Variants in DNAH5 observed in about 807,000 individuals in gnomAD.
DNAH5 encodes the protein axonemal beta dynein heavy chain 5.
Under a neutral mutation model 518.2 loss-of-function variants are expected in DNAH5, and 372 were observed. The observed-to-expected ratio is 0.72, with a 90% confidence interval of 0.66 to 0.78. The LOEUF is 0.78. Ranked by LOEUF, DNAH5 falls within the 30% of genes least tolerant of loss-of-function variation. The pLI is 0.00. For missense variants in DNAH5, 5,523 were observed against 5,687.0 expected (o/e 0.97, Z 0.93); for synonymous variants, 2,039 against 2,025.9 (o/e 1.01, Z -0.17).
intron 12 of DNAH5, among the ~76,000 whole-genome samples, chr5:13,902,823 CT>C (rs1774823055): frequency 6.6e-6 from 1 of 152,106 alleles, no homozygotes; most frequent in Admixed American, 6.5e-5. Flanking sequence ...AACATAAAAG[CT>C]AGTCTGGGAA....
chr5:13,936,265 G>T (rs1778915706), intron 1 of DNAH5, among the ~76,000 whole-genome samples: 1 of 152,128 alleles, frequency 6.6e-6, no homozygotes, highest in South Asian at 2.1e-4. Flanking sequence ...GACAGCCAAG[G>T]TTCATTCCTT....
chr5:13,986,862 C>A (rs895409364), intron 1 of DNAH5, among the ~76,000 whole-genome samples: 4 of 152,196 alleles, frequency 2.6e-5, no homozygotes, highest in Non-Finnish European at 5.9e-5. Context: ...CTATAGATTC[C>A]TGCAAGCAGA....
intron 50 of DNAH5, among the ~76,000 whole-genome samples, chr5:13,791,246 C>G (rs999470845): frequency 4.6e-5 from 7 of 152,054 alleles, no homozygotes; most frequent in African/African-American, 1.7e-4. Flanking sequence ...ATGGAGAAGT[C>G]CCCTAAAACC....
intron 47 of DNAH5, among the ~76,000 whole-genome samples, chr5:13,802,597 CAT>C (rs1220448853): frequency 6.6e-6 from 1 of 152,168 alleles, no homozygotes; most frequent in Non-Finnish European, 1.5e-5. Context: ...TGGTTATGCA[CAT>C]GTCTGTTTCC....
In DNAH5 at chr5:13,841,907, A is replaced by G. The variant is rs1235914132; in HGVS notation, c.5272-3T>C. The stretch of plus-strand genomic sequence containing the variant: ...ATTGACAGAATTCGATCATAGATCT[A>G]TGTTAGAAACCAAAAAAAAAAAAAA... On this transcript the variant is annotated splice_polypyrimidine_tract_variant and splice_region_variant and intron_variant, in intron 32 of 78. Transcript: ENST00000265104. 2 of 882,892 alleles carry G rather than the reference A, an allele frequency of 2.3e-6. No homozygotes were observed. Among genetic ancestry groups the G allele is most frequent in the South Asian group, 1.4e-5 (1 of 69,396 alleles). The allele number at this position is 882,892 out of a possible 1,614,324, so 54.7% of individuals were successfully genotyped here. A position where few individuals can be genotyped will look rare whatever the true frequency, so the allele number is the denominator to read the frequency against.
intron 70 of DNAH5, among the ~76,000 whole-genome samples, chr5:13,722,187 A>G (rs538157791): frequency 6.6e-6 from 1 of 152,324 alleles, no homozygotes; most frequent in South Asian, 2.1e-4. Flanking sequence ...AACACAAAAC[A>G]GCTTCAGATG....
chr5:13,970,075 C>T (rs772420018), intron 1 of DNAH5, among the ~76,000 whole-genome samples: 2 of 152,046 alleles, frequency 1.3e-5, no homozygotes, highest in Non-Finnish European at 2.9e-5. Flanking sequence ...ATGGTTGTTG[C>T]TTTCAAGTCT....
Position 13,870,817 on chromosome 5 carries a change from C to A in DNAH5, c.3784G>T (p.Glu1262Ter). 6.2e-7 allele frequency: 1 copy of A among 1,613,836 alleles called. No individual in the cohort carries two copies. Among genetic ancestry groups the A allele is most frequent in the Non-Finnish European group, 8.5e-7 (1 of 1,179,832 alleles). The change falls in exon 24 of 79, where the codon GAA becomes TAA. Residue 1262 changes from glutamate to a stop codon, truncating the protein, a stop_gained. Coordinates refer to ENST00000265104, the MANE Select transcript of DNAH5 (RefSeq NM_001369.3). LOFTEE classifies it high-confidence loss of function. ...DIRIAMAALK[E>*]IREEQISIDF... The stretch of plus-strand genomic sequence containing the variant: ...ATGGAGATTTGCTCCTCCCTTATTT[C>A]TTTCAGCGCTGCCATTGCAATCCGA...
chr5:13,817,067 C>A (rs1426224343), intron 42 of DNAH5, among the ~76,000 whole-genome samples: 1 of 149,786 alleles, frequency 6.7e-6, no homozygotes, highest in Non-Finnish European at 1.5e-5. Flanking sequence ...ACACCAATGT[C>A]CATCTACACA....
chr5:13,717,247 A>C, intron 73 of DNAH5, 68 bp downstream of exon 73: 1 of 1,387,678 alleles, frequency 7.2e-7, no homozygotes, highest in Non-Finnish European at 1.0e-6. Flanking sequence ...CAAAGCTAGG[A>C]GGTCCCGTGA....
chr5:13,853,978 A>G (rs1179012819), intron 30 of DNAH5, among the ~76,000 whole-genome samples: 1 of 152,190 alleles, frequency 6.6e-6, no homozygotes, highest in Non-Finnish European at 1.5e-5. Flanking sequence ...AACTTCCCCA[A>G]CCAAGCAAGA....
At chr5:13,906,697 A>T (rs1775342068) in intron 12 of DNAH5, among the ~76,000 whole-genome samples, 1 of 152,212 alleles carries the variant, frequency 6.6e-6, no homozygotes, top group African/African-American at 2.4e-5. Flanking sequence ...AGAGTACAAT[A>T]AAAAAGCTAA....
At chr5:13,747,730 GGTT>G (rs1024930891) in intron 65 of DNAH5, among the ~76,000 whole-genome samples, 15 of 152,060 alleles carry the variant, frequency 9.9e-5, no homozygotes, top group Non-Finnish European at 1.5e-4. Context: ...TTGTTGATGG[GGTT>G]GTTTTTTTCT....
intron 66 of DNAH5, among the ~76,000 whole-genome samples, chr5:13,736,614 G>A (rs1263899959): frequency 2.6e-5 from 4 of 151,730 alleles, no homozygotes; most frequent in Non-Finnish European, 5.9e-5. Flanking sequence ...ATGTTATCCA[G>A]GCTGGTCTCA....
Position 13,737,406 on chromosome 5 carries a change from G to A in DNAH5, c.11301C>T (p.Arg3767=), listed in dbSNP as rs1482669571. The A allele has an allele frequency of 6.2e-7, 1 of 1,614,050 alleles. No homozygotes were observed. The change falls in exon 66 of 79, where the codon CGC becomes CGT. Residue 3767 remains arginine, a synonymous_variant. Transcript: ENST00000265104. The part of the protein sequence containing the change: ...MKELEDNLLY[R]LTSTQGSLVE... ...CCAGGGACCCCTGGGTACTTGTCAG[G>A]CGGTAAAGCAAGTTATCTTCTAGTT...
chr5:13,940,833 T>C (rs1451211474), intron 1 of DNAH5, among the ~76,000 whole-genome samples: 1 of 152,178 alleles, frequency 6.6e-6, no homozygotes, highest in African/African-American at 2.4e-5. Context: ...AAAAATTGAA[T>C]GATAGAAAGA....
intron 67 of DNAH5, 104 bp from the exon 68 acceptor site, chr5:13,735,425 T>G (rs1747248606): frequency 1.7e-6 from 2 of 1,153,564 alleles, no homozygotes; most frequent in Admixed American, 2.0e-5. Flanking sequence ...GAGGAAGAAT[T>G]CTTATTTTTA....
At chr5:13,772,473 C>T (rs921628479) in intron 55 of DNAH5, among the ~76,000 whole-genome samples, 1 of 152,246 alleles carries the variant, frequency 6.6e-6, no homozygotes, top group Non-Finnish European at 1.5e-5. Flanking sequence ...AAGCAGAACA[C>T]TCCCTCTTAG....
intron 70 of DNAH5, among the ~76,000 whole-genome samples, chr5:13,724,253 G>A (rs1218057224): frequency 1.3e-5 from 2 of 152,216 alleles, no homozygotes; most frequent in Non-Finnish European, 2.9e-5. Context: ...AGGACACGGG[G>A]TCAAAGGAAA....
Sources: allele counts gnomAD v4.1 joint callset (sites outside exome capture counted in the v4.1 genomes callset), GRCh38; gene constraint gnomAD v4.1.1; transcripts MANE v1.5; gene names NCBI Gene and HGNC (gene_info 2026-07-23, HGNC 2026-07-21).